Variants in BMP7 observed in about 807,000 individuals in gnomAD.
BMP7 encodes bone morphogenetic protein 7.
In BMP7, 12 loss-of-function variants were observed where a neutral mutation model predicts 41.2. The ratio of observed to expected loss-of-function variants is 0.29; its 90% CI spans 0.19 to 0.47. The LOEUF (loss-of-function observed/expected upper bound fraction) is 0.47. Among genes scored for constraint, BMP7 ranks in the 20% least tolerant of loss-of-function variants. The pLI, the probability that BMP7 is intolerant of heterozygous loss-of-function variation, is 0.99. For synonymous variants in BMP7, 248 were observed against 250.0 expected, an observed-to-expected ratio of 0.99 and a Z score of 0.07; for missense variants, 467 against 606.0, an observed-to-expected ratio of 0.77 and a Z score of 2.41.
chr20:57,180,414 C>A (rs555614967), intron 4 of BMP7, among the ~76,000 whole-genome samples: 1 of 152,206 alleles, frequency 6.6e-6, no homozygotes, highest in East Asian at 1.9e-4. Flanking sequence ...CCGGACCAGC[C>A]TGGCCTCGTG....
intron 3 of BMP7, among the ~76,000 whole-genome samples, chr20:57,185,355 G>T (rs1233924619): frequency 6.6e-6 from 1 of 152,168 alleles, no homozygotes; most frequent in African/African-American, 2.4e-5. Context: ...CGAATAACAA[G>T]AACACAGCCT....
chr20:57,175,255 A>G (rs1983897465), intron 4 of BMP7, among the ~76,000 whole-genome samples: 1 of 152,176 alleles, frequency 6.6e-6, no homozygotes. Flanking sequence ...CTTATCCCAT[A>G]ATACTTTCTG....
At position 57,170,629 on chromosome 20, in the gene BMP7, G is replaced by A. The variant is rs140373933; in HGVS notation, c.*330C>T. On this transcript the variant is annotated 3_prime_UTR_variant, in exon 7 of 7. Coordinates refer to ENST00000395863, the MANE Select transcript of BMP7 (RefSeq NM_001719.3). ...CGGCTGGGTGGCCTGGCTGGTAGGC[G>A]CTCATAATTACCTCTGGAAACGAGT... is the stretch of plus-strand genomic sequence containing the variant. 22 of 356,084 alleles carry A rather than the reference G, an allele frequency of 6.2e-5. 1 individual carries two copies. Among genetic ancestry groups the A allele is most frequent in the Middle Eastern group, 9.7e-4 (1 of 1,026 alleles). The allele number at this position is 356,084 out of a possible 1,614,324, so 22.1% of individuals were successfully genotyped here. A position where few individuals can be genotyped will look rare whatever the true frequency, so the allele number is the denominator to read the frequency against.
At chr20:57,187,464 T>C (rs1984239240) in intron 3 of BMP7, among the ~76,000 whole-genome samples, 1 of 152,098 alleles carries the variant, frequency 6.6e-6, no homozygotes, top group African/African-American at 2.4e-5. Flanking sequence ...GATGAGCACA[T>C]GACCCATTTT....
intron 2 of BMP7, among the ~76,000 whole-genome samples, chr20:57,203,088 T>C (rs779370742): frequency 1.3e-5 from 2 of 152,150 alleles, no homozygotes; most frequent in African/African-American, 4.8e-5. Context: ...ACTCAATTTA[T>C]GGTAAAGCCA....
intron 1 of BMP7, among the ~76,000 whole-genome samples, chr20:57,265,104 A>C (rs1297980344): frequency 6.6e-6 from 1 of 152,186 alleles, no homozygotes; most frequent in African/African-American, 2.4e-5. Flanking sequence ...GAAAACAAAG[A>C]AAATTAGCAA....
At position 57,173,211 on chromosome 20, in the gene BMP7, C is replaced by T; in HGVS notation, c.1135G>A (p.Val379Met). The stretch of plus-strand genomic sequence containing the variant: ...GGCGTGACACCCACCAGCGTCTGCA[C>T]GATGGCGTGGTTGGTGGCGTTCATG... Reference protein sequence around the residue: ...SYMNATNHAIVQTLVHFINPE... With the variant: ...SYMNATNHAIMQTLVHFINPE... Residue 379 changes from valine (V) to methionine (M), a missense_variant, in exon 6 of 7, where the codon GTG becomes ATG. Transcript: ENST00000395863. The T allele has an allele frequency of 1.2e-6, 2 of 1,614,054 alleles. No individual in the cohort carries two copies. Among genetic ancestry groups the T allele is most frequent in the Non-Finnish European group, 1.7e-6 (2 of 1,179,938 alleles).
At chr20:57,188,623 T>G (rs1984277193) in intron 3 of BMP7, among the ~76,000 whole-genome samples, 1 of 151,776 alleles carries the variant, frequency 6.6e-6, no homozygotes, top group Non-Finnish European at 1.5e-5. Flanking sequence ...AGATCTCACA[T>G]TTTTTAAAAA....
intron 5 of BMP7, 27 bp from the exon 6 acceptor site, chr20:57,173,337 A>G: frequency 6.2e-7 from 1 of 1,605,546 alleles, no homozygotes; most frequent in South Asian, 1.1e-5. Flanking sequence ...AGTGTGGGAA[A>G]CCATGCAGAA....
chr20:57,173,511 G>A, intron 5 of BMP7: 1 of 654,010 alleles, frequency 1.5e-6, no homozygotes, highest in South Asian at 1.8e-5. Context: ...TGGAAAGAAG[G>A]ACCACTCTAT....
intron 3 of BMP7, among the ~76,000 whole-genome samples, chr20:57,200,204 T>A (rs1984589449): frequency 6.6e-6 from 1 of 152,186 alleles, no homozygotes; most frequent in African/African-American, 2.4e-5. Context: ...GCTCATCTAA[T>A]CCCTCACAAC....
At chr20:57,217,440 C>T (rs1321281501) in intron 2 of BMP7, among the ~76,000 whole-genome samples, 2 of 152,212 alleles carry the variant, frequency 1.3e-5, no homozygotes, top group South Asian at 2.1e-4. Flanking sequence ...GCACTGAGGT[C>T]GCCATAGCTG....
chr20:57,236,640 G>A (rs539935382), intron 1 of BMP7, among the ~76,000 whole-genome samples: 9 of 152,140 alleles, frequency 5.9e-5, no homozygotes, highest in East Asian at 1.9e-4. Context: ...GCAAGATGGC[G>A]CAACAGTGGC....
chr20:57,197,823 T>A (rs189381445), intron 3 of BMP7, among the ~76,000 whole-genome samples: 8 of 152,250 alleles, frequency 5.3e-5, no homozygotes, highest in Admixed American at 5.2e-4. Context: ...CCCCAAGAAG[T>A]TGGAGTAGCT....
rs1280662193 is a variant in BMP7, at chr20:57,222,706, C to T, written c.611+5523G>A. Among the ~76,000 whole-genome samples, 4 of 152,102 alleles carry T rather than the reference C, an allele frequency of 2.6e-5. No individual in the cohort carries two copies. The East Asian group carries it at 7.7e-4, about 29-fold the overall frequency. ...CTGAAAAGGCTACTCAGGAAGCTGA[C>T]CTGGCACATCCTGAGAAGGCAGCTC... On this transcript the variant is annotated intron_variant, in intron 2 of 6. Coordinates refer to ENST00000395863, the MANE Select transcript of BMP7 (RefSeq NM_001719.3).
chr20:57,229,805 C>G (rs776883924), intron 1 of BMP7, among the ~76,000 whole-genome samples: 8 of 152,350 alleles, frequency 5.3e-5, no homozygotes, highest in Non-Finnish European at 8.8e-5. Context: ...CCAAGTGGGA[C>G]AGCAGGACGG....
Position 57,173,221 on chromosome 20 carries a change from G to A in BMP7, c.1125C>T (p.Asn375=). The A allele has an allele frequency of 6.2e-7, 1 of 1,614,188 alleles. No homozygotes were observed. The highest frequency in any genetic ancestry group is 2.2e-5 in the East Asian group (1 of 44,870). Residue 375 remains asparagine (N), a synonymous_variant, in exon 6 of 7, where the codon AAC becomes AAT. Transcript: ENST00000395863. ...CCACCAGCGTCTGCACGATGGCGTGGTTGGTGGCGTTCATGTAGGAGTTCA... is the reference window on the plus strand; with the variant it reads ...CCACCAGCGTCTGCACGATGGCGTGATTGGTGGCGTTCATGTAGGAGTTCA... ...FPLNSYMNAT[N]HAIVQTLVHF...
At chr20:57,187,374 G>T (rs554645501) in intron 3 of BMP7, among the ~76,000 whole-genome samples, 2 of 152,174 alleles carry the variant, frequency 1.3e-5, no homozygotes, top group Admixed American at 6.5e-5. Flanking sequence ...GCCTTACATA[G>T]CCTCCACCCT....
chr20:57,183,047 C>T (rs990946384), intron 4 of BMP7, among the ~76,000 whole-genome samples: 1 of 152,060 alleles, frequency 6.6e-6, no homozygotes, highest in African/African-American at 2.4e-5. Context: ...CCGGCCTGAC[C>T]GACATGGTGA....
Sources: gnomAD v4.1 joint callset for allele counts (sites outside exome capture counted in the v4.1 genomes callset) on GRCh38, gnomAD v4.1.1 for gene constraint, MANE v1.5 for transcripts, NCBI Gene and HGNC (gene_info 2026-07-23, HGNC 2026-07-21) for gene names.